Variants in KCNT1 observed in about 807,000 individuals in gnomAD.
KCNT1 encodes the protein potassium channel subfamily T member 1.
KCNT1 carries 78 observed loss-of-function variants against 147.8 expected under a neutral mutation model. The ratio of observed to expected loss-of-function variants is 0.53; its 90% confidence interval spans 0.44 to 0.64. KCNT1 has a LOEUF of 0.64. KCNT1 is among the 30% of genes least tolerant of loss of function. KCNT1 has a pLI of 0.00. For missense variants in KCNT1, 1,419 were observed against 1,750.3 expected (o/e 0.81, Z 3.38); for synonymous variants, 867 against 748.8 (o/e 1.16, Z -2.58).
chr9:135,780,076 G>A (rs1833496797), intron 24 of KCNT1, among the ~76,000 whole-genome samples: 1 of 152,200 alleles, frequency 6.6e-6, no homozygotes, highest in South Asian at 2.1e-4. Flanking sequence ...CACCACCCAG[G>A]GTCAGGTGTG....
At chr9:135,719,336 G>A (rs1835835120) in intron 2 of KCNT1, among the ~76,000 whole-genome samples, 2 of 152,214 alleles carry the variant, frequency 1.3e-5, no homozygotes, top group Admixed American at 6.5e-5. Flanking sequence ...CGGTGTCCCC[G>A]AGCTGGGTCC....
intron 19 of KCNT1, among the ~76,000 whole-genome samples, chr9:135,774,625 C>T (rs571318436): frequency 7.0e-5 from 10 of 142,320 alleles, no homozygotes; most frequent in South Asian, 2.3e-4. Context: ...TGTTGTGTGT[C>T]GATGTGTGTG....
intron 2 of KCNT1, among the ~76,000 whole-genome samples, chr9:135,737,534 C>A (rs778872461): frequency 5.3e-5 from 8 of 152,328 alleles, no homozygotes; most frequent in African/African-American, 1.9e-4. Flanking sequence ...GGGCACGGAA[C>A]CTGTTCCTGG....
chr9:135,733,120 T>C (rs1830176048), intron 2 of KCNT1, among the ~76,000 whole-genome samples: 1 of 152,000 alleles, frequency 6.6e-6, no homozygotes, highest in East Asian at 1.9e-4. Context: ...CGGCTCTGAG[T>C]CATTCATCTC....
In KCNT1 at chr9:135,752,778, G is replaced by A. The variant is rs555911018; in HGVS notation, c.435-1159G>A. 7.4e-4 allele frequency among the ~76,000 whole-genome samples: 112 copies of A among 151,476 alleles called. No individual in the cohort carries two copies. Among genetic ancestry groups the A allele is most frequent in the African/African-American group, 2.6e-3 (109 of 41,284 alleles). On this transcript the variant is annotated intron_variant, in intron 4 of 30. Coordinates refer to ENST00000371757, the MANE Select transcript of KCNT1 (RefSeq NM_020822.3). This position sits in a 1 kb window ranked among gnomAD's most constrained non-coding sequence, Gnocchi z 5.1. ...GGATGGAGGGATGAGTGGATGGGTG[G>A]ATGATGGATGGATGGATGGATGGAT...
intron 2 of KCNT1, among the ~76,000 whole-genome samples, chr9:135,749,585 C>T (rs1291955545): frequency 6.6e-6 from 1 of 152,226 alleles, no homozygotes; most frequent in African/African-American, 2.4e-5. Flanking sequence ...GCCCTTGAGG[C>T]TGCAGTGGCC....
At chr9:135,789,477 C>T (rs1564398453) in intron 29 of KCNT1, 1 of 152,392 alleles carries the variant, frequency 6.6e-6, no homozygotes, top group Non-Finnish European at 1.5e-5. Context: ...GGAGGAGGCA[C>T]CCCAGCCCCG....
At position 135,731,991 on chromosome 9, in the gene KCNT1, T is replaced by TAGAG. The variant is rs1189149987; in HGVS notation, c.254+17318_254+17321dup. On this transcript the variant is annotated intron_variant, in intron 2 of 30. Coordinates refer to ENST00000371757, the MANE Select transcript of KCNT1 (RefSeq NM_020822.3). Reference sequence around the variant, plus strand: ...ATATATATATATATATATATATATATAGAGAGAGAGAGAGAGAGAGAGAGA... The same window carrying TAGAG: ...ATATATATATATATATATATATATATAGAGAGAGAGAGAGAGAGAGAGAGAGAGA... Among the ~76,000 whole-genome samples the TAGAG allele has an allele frequency of 4.8e-3, 103 of 21,660 alleles. 4 individuals are homozygous for TAGAG. The highest frequency in any genetic ancestry group is 0.01 in the African/African-American group (59 of 5,700). 14.2% of individuals were successfully genotyped at this position (21,660 alleles called of 152,430 possible). A position where few individuals can be genotyped will look rare whatever the true frequency, so the allele number is the denominator to read the frequency against.
intron 27 of KCNT1, 38 bp downstream of exon 27, chr9:135,784,927 C>T (rs1279984648): frequency 3.7e-6 from 6 of 1,602,200 alleles, no homozygotes; most frequent in Non-Finnish European, 4.3e-6. Flanking sequence ...TGTGGCAGCC[C>T]CTGTCCTGTG....
At chr9:135,772,213 T>C (rs1832807938) in intron 18 of KCNT1, among the ~76,000 whole-genome samples, 1 of 152,000 alleles carries the variant, frequency 6.6e-6, no homozygotes, top group African/African-American at 2.4e-5. Context: ...CCAGGGTGAC[T>C]CGGGCAACCC....
intron 18 of KCNT1, 155 bp downstream of exon 18, chr9:135,771,250 G>A (rs1832742360): frequency 5.9e-6 from 4 of 678,216 alleles, no homozygotes; most frequent in South Asian, 3.8e-5. Flanking sequence ...AGGGGCAGGT[G>A]ACCAGGTGGG....
At chr9:135,716,005 AAG>A (rs1333599045) in intron 2 of KCNT1, among the ~76,000 whole-genome samples, 2 of 152,170 alleles carry the variant, frequency 1.3e-5, no homozygotes, top group African/African-American at 4.8e-5. Flanking sequence ...TGCCCAGGTG[AAG>A]AGTTTAGTTT....
intron 11 of KCNT1, among the ~76,000 whole-genome samples, chr9:135,763,313 CCACTG>C (rs937791579): frequency 2.4e-4 from 36 of 152,334 alleles, no homozygotes; most frequent in African/African-American, 8.2e-4. Context: ...CCCTTGGTCT[CCACTG>C]GGCTGAATGC....
intron 17 of KCNT1, 66 bp from the exon 18 acceptor site, chr9:135,770,791 G>A: frequency 7.1e-7 from 1 of 1,401,788 alleles, no homozygotes; most frequent in African/African-American, 1.4e-5. Context: ...TTGCAGGAAG[G>A]GCAGGCAGGG....
intron 15 of KCNT1, 65 bp from the exon 16 acceptor site, chr9:135,769,882 G>A: frequency 8.4e-7 from 1 of 1,190,942 alleles, no homozygotes; most frequent in Non-Finnish European, 1.2e-6. Context: ...GAAGTGAGCA[G>A]GTACTGTGGG....
chr9:135,780,706 G>A (rs983916432), intron 24 of KCNT1, among the ~76,000 whole-genome samples: 2 of 152,104 alleles, frequency 1.3e-5, no homozygotes, highest in African/African-American at 4.8e-5. Context: ...CCTGCCCAGC[G>A]TCGGGAGCTC....
rs1043021853 is a variant in KCNT1, at chr9:135,785,207, T to C, written c.3157-103T>C. On this transcript the variant is annotated intron_variant, in intron 27 of 30. Transcript: ENST00000371757. ...GCAGTCCACACAGCAGCAGGCACCG[T>C]GCCCACCAGCCCTAAGCATGTTCCG... 2.6e-6 allele frequency: 4 copies of C among 1,528,258 alleles called. No homozygotes were observed. The African/African-American group carries it at 5.5e-5, about 21-fold the overall frequency. 94.7% of individuals were successfully genotyped at this position (1,528,258 alleles called of 1,614,324 possible).
rs371608582 is a variant in KCNT1 at position 135,792,599 on chromosome 9, C to T, written c.*438C>T. ...AACTCAGAGCCGGCCTGAGCGTTCACGGCCAGGCAGCCTCGCTTCCTTGCA... is the reference window on the plus strand; with the variant it reads ...AACTCAGAGCCGGCCTGAGCGTTCATGGCCAGGCAGCCTCGCTTCCTTGCA... On this transcript the variant is annotated 3_prime_UTR_variant, in exon 31 of 31. Coordinates refer to ENST00000371757, the MANE Select transcript of KCNT1 (RefSeq NM_020822.3). 5.0e-5 allele frequency: 8 copies of T among 160,520 alleles called. No homozygotes were observed. The East Asian group carries it at 7.6e-4, about 15-fold the overall frequency. 9.9% of individuals were successfully genotyped at this position (160,520 alleles called of 1,614,324 possible). A position where few individuals can be genotyped will look rare whatever the true frequency, so the allele number is the denominator to read the frequency against.
chr9:135,777,179 G>A (rs1318814356), intron 20 of KCNT1, among the ~76,000 whole-genome samples, 159 bp from the exon 21 acceptor site: 2 of 151,850 alleles, frequency 1.3e-5, no homozygotes, highest in East Asian at 3.9e-4. Context: ...GGTGCCTGTA[G>A]CTCCCCACAG....
Sources: gnomAD v4.1 joint callset for allele counts (sites outside exome capture counted in the v4.1 genomes callset) on GRCh38, gnomAD v4.1.1 for gene constraint, Gnocchi (gnomAD v3.1) non-coding constraint, MANE v1.5 for transcripts, NCBI Gene and HGNC (gene_info 2026-07-23, HGNC 2026-07-21) for gene names.